Variants in ATG7 observed in about 807,000 individuals in gnomAD.
ATG7 encodes the protein ubiquitin-like modifier-activating enzyme ATG7.
ATG7 carries 70 observed loss-of-function variants against 82.4 expected under a neutral mutation model. The ratio of observed to expected loss-of-function variants is 0.85; its 90% CI spans 0.70 to 1.04. The LOEUF (loss-of-function observed/expected upper bound fraction) is 1.04. Among genes scored for constraint, ATG7 ranks in the 50% least tolerant of loss-of-function variants. The probability of loss-of-function intolerance (pLI) is 0.00; values close to 1 mark genes in which losing one functional copy is unlikely to be tolerated. For missense variants in ATG7, 792 were observed against 864.3 expected, an observed-to-expected ratio of 0.92 and a Z score of 1.05; for synonymous variants, 287 against 313.0, an observed-to-expected ratio of 0.92 and a Z score of 0.88.
intron 19 of ATG7, among the ~76,000 whole-genome samples, chr3:11,391,858 T>C (rs2078827196): frequency 6.6e-6 from 1 of 150,480 alleles, no homozygotes; most frequent in South Asian, 2.1e-4. Flanking sequence ...TACATGAAAG[T>C]CCAGGATTTC....
intron 11 of ATG7, among the ~76,000 whole-genome samples, chr3:11,335,783 C>T (rs1380768771): frequency 2.0e-5 from 3 of 152,142 alleles, no homozygotes; most frequent in South Asian, 2.1e-4. Flanking sequence ...CTGCAACCTC[C>T]GCCTCCTGGG....
chr3:11,484,181 G>A (rs2089343769), intron 20 of ATG7, among the ~76,000 whole-genome samples: 1 of 152,096 alleles, frequency 6.6e-6, no homozygotes, highest in Admixed American at 6.6e-5. Flanking sequence ...ATCACTGGAG[G>A]CCAGGAATTC....
At chr3:11,448,913 ATATACT>A (rs1321636346) in intron 20 of ATG7, among the ~76,000 whole-genome samples, 2 of 152,164 alleles carry the variant, frequency 1.3e-5, no homozygotes, top group East Asian at 3.9e-4. Context: ...CACCAGAGTA[ATATACT>A]TAAACTGTAG....
At chr3:11,511,287 T>C (rs1269507821) in intron 20 of ATG7, among the ~76,000 whole-genome samples, 1 of 152,262 alleles carries the variant, frequency 6.6e-6, no homozygotes, top group East Asian at 1.9e-4. Flanking sequence ...AGGGCGCTGA[T>C]TGGTGCGTTT....
At chr3:11,558,506 A>C (rs143606016), downstream of ATG7, 678 of 1,569,912 alleles carry the variant, frequency 4.3e-4, 6 homozygotes, top group African/African-American at 7.1e-3. Context: ...GACTGTTCAA[A>C]GCTCAGGCAA....
chr3:11,315,276 A>G lies in ATG7; in HGVS notation c.529-68A>G, dbSNP rs538859274. On this transcript the variant is annotated intron_variant, in intron 8 of 20. Transcript: ENST00000693202. The stretch of plus-strand genomic sequence containing the variant: ...CTGGTTTTAAGGTACCTTTTTTTTG[A>G]GTTAGTTTTTAGCCCAGAACTAGAA... 13 of 1,343,972 alleles carry G rather than the reference A, an allele frequency of 9.7e-6. No individual in the cohort carries two copies. The Admixed American group carries it at 3.7e-4, about 38-fold the overall frequency. The allele number at this position is 1,343,972 out of a possible 1,614,324, so 83.3% of individuals were successfully genotyped here.
At chr3:11,285,615 T>A (rs1943868306) in intron 3 of ATG7, among the ~76,000 whole-genome samples, 1 of 152,144 alleles carries the variant, frequency 6.6e-6, no homozygotes, top group Admixed American at 6.5e-5. Context: ...CCAGGAGCCT[T>A]CCTCGTGGCC....
At chr3:11,303,800 C>T (rs781769296) in intron 5 of ATG7, among the ~76,000 whole-genome samples, 5 of 150,728 alleles carry the variant, frequency 3.3e-5, no homozygotes, top group South Asian at 4.2e-4. Flanking sequence ...TTCGGCCGGG[C>T]GCGGTGGCTC....
chr3:11,333,646 A>G (rs2606746), intron 11 of ATG7, among the ~76,000 whole-genome samples: 110,468 of 151,392 alleles, frequency 0.73, 41,398 homozygotes, highest in East Asian at 0.93. Context: ...GTGTGTGTGT[A>G]TATATATATA....
chr3:11,387,630 T>C (rs2078419102), intron 19 of ATG7, among the ~76,000 whole-genome samples: 1 of 152,200 alleles, frequency 6.6e-6, no homozygotes, highest in South Asian at 2.1e-4. Flanking sequence ...TTTTGAGTCA[T>C]GGATTGTGTT....
the ATG7 span, chr3:11,565,163 G>A: frequency 1.2e-6 from 1 of 847,978 alleles, no homozygotes; most frequent in South Asian, 3.0e-5. This position sits in a 1 kb window ranked among gnomAD's most constrained non-coding sequence, Gnocchi z 4.1. Context: ...TGAGGAGCCG[G>A]TTGCCAGCCC....
At chr3:11,440,803 C>T (rs968084058) in intron 20 of ATG7, among the ~76,000 whole-genome samples, 3 of 149,196 alleles carry the variant, frequency 2.0e-5, no homozygotes, top group African/African-American at 7.4e-5. Context: ...CCTGCCTCAG[C>T]CTCCCAAGCA....
chr3:11,329,503 T>C (rs934258716), intron 9 of ATG7, among the ~76,000 whole-genome samples: 1 of 152,184 alleles, frequency 6.6e-6, no homozygotes, highest in African/African-American at 2.4e-5. Context: ...ATCCTTCCTT[T>C]CTTTCTTCCA....
chr3:11,482,527 C>A (rs974413648), intron 20 of ATG7, among the ~76,000 whole-genome samples: 1 of 152,210 alleles, frequency 6.6e-6, no homozygotes, highest in Non-Finnish European at 1.5e-5. Flanking sequence ...TCCCTTCCTC[C>A]TTGTAGGTCC....
At chr3:11,344,070 A>G (rs535733936) in intron 13 of ATG7, among the ~76,000 whole-genome samples, 2 of 152,184 alleles carry the variant, frequency 1.3e-5, no homozygotes, top group East Asian at 3.9e-4. Flanking sequence ...TTTTTCCTTT[A>G]GAGATATTTT....
At chr3:11,440,526 G>A (rs4036958) in intron 20 of ATG7, among the ~76,000 whole-genome samples, 17,177 of 148,890 alleles carry the variant, frequency 0.12, 1,653 homozygotes, top group African/African-American at 0.26. Context: ...GGGTTTCACC[G>A]TTTTAGCCGG....
At position 11,424,700 on chromosome 3, in the gene ATG7, G is replaced by A. The variant is rs551462736; in HGVS notation, c.1957-2104G>A. Among the ~76,000 whole-genome samples, 6 of 152,154 alleles carry A rather than the reference G, an allele frequency of 3.9e-5. 1 individual carries two copies. The highest frequency in any genetic ancestry group is 1.2e-4 in the African/African-American group (5 of 41,536). On this transcript the variant is annotated intron_variant, in intron 19 of 20. Transcript: ENST00000693202. ...GCACATGGATTTAAAAGTTAAAGTA[G>A]TATAAAATAATCTACAGAGGCTACT...
chr3:11,512,056 G>T (rs1029128807), intron 20 of ATG7, among the ~76,000 whole-genome samples: 8 of 152,210 alleles, frequency 5.3e-5, no homozygotes, highest in Non-Finnish European at 1.0e-4. Context: ...AGTGCAGTGG[G>T]GGGCTGAAGG....
intron 20 of ATG7, among the ~76,000 whole-genome samples, chr3:11,429,069 G>T (rs1486864564): frequency 6.6e-6 from 1 of 152,138 alleles, no homozygotes; most frequent in Admixed American, 6.5e-5. Flanking sequence ...TTTAGTTTTG[G>T]AATCATACGT....
Sources: allele counts gnomAD v4.1 joint callset (sites outside exome capture counted in the v4.1 genomes callset), GRCh38; gene constraint gnomAD v4.1.1; non-coding constraint Gnocchi (gnomAD v3.1); transcripts MANE v1.5; gene names NCBI Gene and HGNC (gene_info 2026-07-23, HGNC 2026-07-21).